The following TXNRD2 variants were observed in gnomAD, a reference collection of about 807,000 sequenced individuals.
TXNRD2 encodes the protein thioredoxin reductase 2, mitochondrial.
Under a neutral mutation model 70.8 loss-of-function variants are expected in TXNRD2, and 67 were observed. The ratio of observed to expected loss-of-function variants is 0.95; its 90% CI spans 0.78 to 1.16. The LOEUF (loss-of-function observed/expected upper bound fraction) is 1.16. TXNRD2 is among the 50% of genes most tolerant of loss of function. The pLI, the probability that TXNRD2 is intolerant of heterozygous loss-of-function variation, is 0.00. For synonymous variants in TXNRD2, 301 were observed against 295.8 expected (o/e 1.02, Z -0.18); for missense variants, 644 against 719.9 (o/e 0.89, Z 1.21).
At position 19,883,325 on chromosome 22, in the gene TXNRD2, C is replaced by T. The variant is rs754455613; in HGVS notation, c.1086G>A (p.Glu362=). Reference sequence around the variant, plus strand: ...CCTGGTCCCGGGACGCATGCCGTACCTCCACCACGTCACCAATGGCGTAGA... The same window carrying T: ...CCTGGTCCCGGGACGCATGCCGTACTTCCACCACGTCACCAATGGCGTAGA... ...PHIYAIGDVV[E]GRPELTPIAI... is the part of the protein sequence containing the mutation. Residue 362 remains glutamate (E), a splice_region_variant and synonymous_variant, in exon 12 of 18, where the codon GAG becomes GAA. Coordinates refer to ENST00000400521, the MANE Select transcript of TXNRD2 (RefSeq NM_006440.5). 6 of 1,613,534 alleles carry T rather than the reference C, an allele frequency of 3.7e-6. No individual in the cohort carries two copies. Among genetic ancestry groups the T allele is most frequent in the Non-Finnish European group, 5.1e-6 (6 of 1,179,930 alleles).
intron 10 of TXNRD2, among the ~76,000 whole-genome samples, chr22:19,896,216 T>A (rs1032754268): frequency 6.7e-6 from 1 of 149,160 alleles, no homozygotes; most frequent in Non-Finnish European, 1.5e-5. Flanking sequence ...GAGAATGGCG[T>A]GAACCCGGGA....
At chr22:19,909,965 C>T (rs1172007278) in intron 8 of TXNRD2, among the ~76,000 whole-genome samples, 3 of 151,010 alleles carry the variant, frequency 2.0e-5, no homozygotes, top group African/African-American at 7.3e-5. Flanking sequence ...ACCACTCACA[C>T]ACACACCACA....
At chr22:19,920,255 G>C (rs1176783187) in intron 2 of TXNRD2, among the ~76,000 whole-genome samples, 1 of 152,178 alleles carries the variant, frequency 6.6e-6, no homozygotes, top group Non-Finnish European at 1.5e-5. Context: ...TGGCCACCCA[G>C]GGCCACAGGT....
Position 19,918,868 on chromosome 22 carries a change from C to A in TXNRD2, c.366G>T (p.Pro122=), listed in dbSNP as rs3747068. ...NYGWEVAQPV[P]HDWRKMAEAV... The stretch of plus-strand genomic sequence containing the variant: ...CGGCGCCAGATCCTTACCAGTCATG[C>A]GGCACGGGCTGGGCCACCTCCCAGC... Residue 122 remains proline, a synonymous_variant, in exon 4 of 18, where the codon CCG becomes CCT. Coordinates refer to ENST00000400521, the MANE Select transcript of TXNRD2 (RefSeq NM_006440.5). The A allele has an allele frequency of 6.2e-7, 1 of 1,608,236 alleles. No homozygotes were observed. Among genetic ancestry groups the A allele is most frequent in the Non-Finnish European group, 8.5e-7 (1 of 1,179,812 alleles).
chr22:19,909,872 A>ACACACACC (rs1352901634), intron 8 of TXNRD2, among the ~76,000 whole-genome samples: 2 of 25,198 alleles, frequency 7.9e-5, no homozygotes, highest in Admixed American at 5.4e-4. Context: ...CACACACACC[A>ACACACACC]CTCACACACA....
chr22:19,898,941 C>A (rs934183595), intron 9 of TXNRD2, 108 bp downstream of exon 9: 12 of 1,430,642 alleles, frequency 8.4e-6, no homozygotes, highest in African/African-American at 1.4e-5. Context: ...CAGTAAGTGC[C>A]GATCTGAGGC....
chr22:19,885,707 G>A (rs1938997616), intron 11 of TXNRD2, among the ~76,000 whole-genome samples: 1 of 152,188 alleles, frequency 6.6e-6, no homozygotes, highest in African/African-American at 2.4e-5. Context: ...CCTGGTGCCT[G>A]CTCCGTGCCG....
At chr22:19,903,074 G>A (rs1042956096) in intron 8 of TXNRD2, 18 of 517,558 alleles carry the variant, frequency 3.5e-5, no homozygotes, top group Non-Finnish European at 1.2e-5. Context: ...GCAGCAGGCT[G>A]GTGGAGCAGC....
Position 19,880,343 on chromosome 22 carries a change from A to T in TXNRD2, c.1183-72T>A, listed in dbSNP as rs948929957. On this transcript the variant is annotated intron_variant, in intron 13 of 17. Coordinates refer to ENST00000400521, the MANE Select transcript of TXNRD2 (RefSeq NM_006440.5). ...CGAAGTTCCCCACTGCATGTGACACAAAGAGCAGCGATCACAGACCAGGAC... is the reference window on the plus strand; with the variant it reads ...CGAAGTTCCCCACTGCATGTGACACTAAGAGCAGCGATCACAGACCAGGAC... The T allele has an allele frequency of 2.7e-6, 4 of 1,470,456 alleles. No homozygotes were observed. In the South Asian group the frequency reaches 4.6e-5, roughly 17 times the overall value. The allele number at this position is 1,470,456 out of a possible 1,614,324, so 91.1% of individuals were successfully genotyped here.
intron 15 of TXNRD2, 54 bp from the exon 16 acceptor site, chr22:19,878,241 C>A: frequency 1.3e-6 from 2 of 1,598,808 alleles, no homozygotes; most frequent in Non-Finnish European, 1.7e-6. Flanking sequence ...GTTGCGTCCA[C>A]CCTGCATCCA....
intron 8 of TXNRD2, among the ~76,000 whole-genome samples, chr22:19,909,754 ACACCC>A (rs1235978961): frequency 1.1e-4 from 13 of 120,986 alleles, no homozygotes; most frequent in East Asian, 2.6e-4. Context: ...ACACACACCC[ACACCC>A]TTCACACACA....
At chr22:19,924,963 CA>C (rs1055974241) in intron 2 of TXNRD2, among the ~76,000 whole-genome samples, 1 of 135,412 alleles carries the variant, frequency 7.4e-6, no homozygotes, top group African/African-American at 2.8e-5. Context: ...GTCAGAGGGG[CA>C]AAATTTTTAA....
chr22:19,898,244 G>A, intron 9 of TXNRD2, 114 bp from the exon 10 acceptor site: 4 of 997,024 alleles, frequency 4.0e-6, no homozygotes, highest in Non-Finnish European at 6.1e-6. Flanking sequence ...TGGCCCTGGA[G>A]GAGGCTCCCA....
At chr22:19,932,752 C>T (rs577614564) in intron 1 of TXNRD2, among the ~76,000 whole-genome samples, 1 of 152,224 alleles carries the variant, frequency 6.6e-6, no homozygotes, top group Non-Finnish European at 1.5e-5. Context: ...CATCTGGAGC[C>T]GGTCGCTGCT....
At chr22:19,933,620 G>T in intron 1 of TXNRD2, 1 of 678,774 alleles carries the variant, frequency 1.5e-6, no homozygotes, top group Non-Finnish European at 2.1e-6. Flanking sequence ...CTCTCGGGCT[G>T]ATAAACACTG....
At chr22:19,934,338 AC>A in intron 1 of TXNRD2, among the ~76,000 whole-genome samples, 1 of 143,114 alleles carries the variant, frequency 7.0e-6, no homozygotes, top group East Asian at 2.3e-4. Context: ...CTATGATAGC[AC>A]CACTGCACTC....
chr22:19,933,431 T>TA (rs1389401856), intron 1 of TXNRD2: 6 of 1,289,346 alleles, frequency 4.7e-6, no homozygotes, highest in African/African-American at 3.0e-5. Context: ...AGAACGTCCC[T>TA]ACCTTCCATG....
At position 19,895,536 on chromosome 22, in the gene TXNRD2, G is replaced by A. The variant is rs571571452; in HGVS notation, c.820C>T (p.Arg274Trp). The change falls in exon 11 of 18, where the codon CGG becomes TGG. Residue 274 changes from arginine to tryptophan, a missense_variant. Coordinates refer to ENST00000400521, the MANE Select transcript of TXNRD2 (RefSeq NM_006440.5). ...VIEHMASHGTRFLRGCAPSRV... is the reference protein window; with the variant it reads ...VIEHMASHGTWFLRGCAPSRV... ...GAGGGGGCACAGCCCCTCAGGAACCGGGTGCCATGAGATGCCATGTGCTCT... is the reference window on the plus strand; with the variant it reads ...GAGGGGGCACAGCCCCTCAGGAACCAGGTGCCATGAGATGCCATGTGCTCT... 27 of 1,613,514 alleles carry A rather than the reference G, an allele frequency of 1.7e-5. No individual in the cohort carries two copies. In the East Asian group the frequency reaches 2.5e-4, roughly 15 times the overall value.
In TXNRD2 at chr22:19,878,402, C is replaced by G. The variant is rs200312334; in HGVS notation, c.1311G>C (p.Thr437=). The change falls in exon 15 of 18, where the codon ACG becomes ACC. Residue 437 remains threonine, a synonymous_variant. Coordinates refer to ENST00000400521, the MANE Select transcript of TXNRD2 (RefSeq NM_006440.5). ...ACTGGGATGCATCTCGTCCAGCCAC[C>G]GTGAACTCCAGTGGTTTATAATGGG... ...YHAHYKPLEF[T]VAGRDASQCY... is the part of the protein sequence containing the mutation. 6.2e-7 allele frequency: 1 copy of G among 1,613,836 alleles called. No homozygotes were observed. Among genetic ancestry groups the G allele is most frequent in the African/African-American group, 1.3e-5 (1 of 75,058 alleles).
Sources: allele counts gnomAD v4.1 joint callset (sites outside exome capture counted in the v4.1 genomes callset), GRCh38; gene constraint gnomAD v4.1.1; transcripts MANE v1.5; gene names NCBI Gene and HGNC (gene_info 2026-07-23, HGNC 2026-07-21).